GPR35: variants seen among roughly 807,000 people sequenced by gnomAD.
GPR35 encodes KYNA receptor.
For missense variants in GPR35, 372 were observed against 422.5 expected, an observed-to-expected ratio of 0.88 and a Z score of 1.05; for synonymous variants, 207 against 198.4, an observed-to-expected ratio of 1.04 and a Z score of -0.36.
intron 2 of GPR35, among the ~76,000 whole-genome samples, chr2:240,614,773 AG>A (rs1285471669): frequency 6.6e-6 from 1 of 152,184 alleles, no homozygotes; most frequent in Non-Finnish European, 1.5e-5. Context: ...CTCCACCCAG[AG>A]GCCCCTCCAA....
At chr2:240,619,131 C>T in intron 5 of GPR35, 1 of 632,414 alleles carries the variant, frequency 1.6e-6, no homozygotes, top group Non-Finnish European at 2.9e-6. Flanking sequence ...GGGGTTTGTG[C>T]CACCTTAGAG....
At chr2:240,610,549 C>T (rs990902477) in intron 2 of GPR35, among the ~76,000 whole-genome samples, 1 of 152,160 alleles carries the variant, frequency 6.6e-6, no homozygotes, top group African/African-American at 2.4e-5. Context: ...CAGCCTCAAA[C>T]TCCTAGATTC....
chr2:240,624,172 G>T (rs1196660415), upstream of GPR35, among the ~76,000 whole-genome samples: 1 of 152,174 alleles, frequency 6.6e-6, no homozygotes, highest in Non-Finnish European at 1.5e-5. Context: ...GACTGATCAG[G>T]TGCCGTGCCT....
intron 5 of GPR35, among the ~76,000 whole-genome samples, chr2:240,619,543 G>A (rs2043270934): frequency 6.6e-6 from 1 of 152,202 alleles, no homozygotes; most frequent in Non-Finnish European, 1.5e-5. Context: ...CCATTTCCTG[G>A]GCCCATCCTA....
At chr2:240,619,052 G>A (rs1251838607) in intron 5 of GPR35, 3 of 699,704 alleles carry the variant, frequency 4.3e-6, no homozygotes, top group East Asian at 2.7e-5. Context: ...TCCTAGAAGT[G>A]GGGTTATTGG....
chr2:240,625,871 G>A (rs1209671996), intron 1 of GPR35, among the ~76,000 whole-genome samples: 6 of 143,632 alleles, frequency 4.2e-5, no homozygotes, highest in African/African-American at 2.5e-5. Context: ...GTCTCAGAGT[G>A]GGGTGAGGCT....
Position 240,630,410 on chromosome 2 carries a change from T to C in GPR35, c.458T>C (p.Leu153Pro). Residue 153 changes from leucine (L) to proline (P), a missense_variant, in exon 2 of 2, where the codon CTC becomes CCC. Leu to Pro is a moderately conservative substitution (Grantham distance 98, BLOSUM62 -3). Coordinates refer to ENST00000407714, the MANE Select transcript of GPR35 (RefSeq NM_005301.5). ...ATCGGCTCCCTGGTGGCTCGCTGGCTCCTGGGGATTCAGGAGGGCGGCTTC... is the reference window on the plus strand; with the variant it reads ...ATCGGCTCCCTGGTGGCTCGCTGGCCCCTGGGGATTCAGGAGGGCGGCTTC... ...LVIGSLVARW[L>P]LGIQEGGFCF... The C allele has an allele frequency of 6.2e-7, 1 of 1,612,334 alleles. No individual in the cohort carries two copies. Among genetic ancestry groups the C allele is most frequent in the Non-Finnish European group, 8.5e-7 (1 of 1,179,912 alleles).
chr2:240,624,566 TC>T (rs1312784103), upstream of GPR35, among the ~76,000 whole-genome samples: 1 of 152,176 alleles, frequency 6.6e-6, no homozygotes, highest in African/African-American at 2.4e-5. Flanking sequence ...GCGCTTCCCT[TC>T]CCTGGGCGTC....
At chr2:240,620,123 G>A (rs989110616) in intron 5 of GPR35, among the ~76,000 whole-genome samples, 1 of 152,164 alleles carries the variant, frequency 6.6e-6, no homozygotes, top group Non-Finnish European at 1.5e-5. Context: ...GGCTGGGGCA[G>A]CACCCAAGGC....
chr2:240,618,572 A>C (rs1050014690), intron 4 of GPR35, among the ~76,000 whole-genome samples: 1 of 152,252 alleles, frequency 6.6e-6, no homozygotes, highest in Non-Finnish European at 1.5e-5. Context: ...TTCCTTTTAC[A>C]AGTTAATTTA....
chr2:240,622,645 C>T (rs779081920), upstream of GPR35, among the ~76,000 whole-genome samples: 15 of 152,252 alleles, frequency 9.9e-5, no homozygotes, highest in Non-Finnish European at 1.9e-4. Context: ...CAGAGGCTCC[C>T]CTAGATAGGG....
Position 240,629,935 on chromosome 2 carries a change from C to T in GPR35, c.-4-14C>T. ...TCACTCTCTGCTGACCTCCGGCTCC[C>T]TGTGCTGCCCCAGGACCATGAATGG... On this transcript the variant is annotated splice_polypyrimidine_tract_variant and intron_variant, in intron 1 of 1. Coordinates refer to ENST00000407714, the MANE Select transcript of GPR35 (RefSeq NM_005301.5). The T allele has an allele frequency of 6.3e-7, 1 of 1,586,270 alleles. No individual in the cohort carries two copies. The highest frequency in any genetic ancestry group is 8.6e-7 in the Non-Finnish European group (1 of 1,161,094).
rs761469937 is a variant in GPR35, at chr2:240,630,864, G to T, written c.912G>T (p.Leu304=). The change falls in exon 2 of 2, where the codon CTG becomes CTT. Residue 304 remains leucine (L), a synonymous_variant. Transcript: ENST00000407714. ...SAKAHKSQDS[L]CVTLA is the part of the protein sequence containing the mutation. ...AGGCCCACAAAAGCCAGGACTCTCT[G>T]TGCGTGACCCTCGCCTAAGAGGCGT... is the stretch of plus-strand genomic sequence containing the variant. 5 of 1,612,212 alleles carry T rather than the reference G, an allele frequency of 3.1e-6. No individual in the cohort carries two copies. Among genetic ancestry groups the T allele is most frequent in the Non-Finnish European group, 3.4e-6 (4 of 1,179,388 alleles).
Position 240,631,128 on chromosome 2 carries a change from C to T in GPR35, c.*246C>T. ...AATGTCAGAGACCCCCGGGATGGGG[C>T]CTCACACTTGCCACCCCCAGAACCA... On this transcript the variant is annotated 3_prime_UTR_variant, in exon 2 of 2. Transcript: ENST00000407714. 1.8e-6 allele frequency: 1 copy of T among 555,112 alleles called. No homozygotes were observed. Among genetic ancestry groups the T allele is most frequent in the Non-Finnish European group, 3.3e-6 (1 of 302,174 alleles). 34.4% of individuals were successfully genotyped at this position (555,112 alleles called of 1,614,324 possible).
chr2:240,616,041 C>CT (rs1383384653), intron 2 of GPR35, among the ~76,000 whole-genome samples: 2 of 152,202 alleles, frequency 1.3e-5, no homozygotes, highest in Non-Finnish European at 1.5e-5. Flanking sequence ...CCAGACGGCA[C>CT]TTTCCACCCT....
chr2:240,630,744 C>T lies in GPR35; in HGVS notation c.792C>T (p.Leu264=). The change falls in exon 2 of 2, where the codon CTC becomes CTT. Residue 264 remains leucine (L), a synonymous_variant. Coordinates refer to ENST00000407714, the MANE Select transcript of GPR35 (RefSeq NM_005301.5). ...IRRALYITSK[L]SDANCCLDAI... ...GCGCCCTGTACATAACCAGCAAGCT[C>T]TCAGATGCCAACTGCTGCCTGGACG... 6.2e-7 allele frequency: 1 copy of T among 1,613,592 alleles called. No homozygotes were observed. Among genetic ancestry groups the T allele is most frequent in the Non-Finnish European group, 8.5e-7 (1 of 1,180,042 alleles).
At chr2:240,616,655 C>T (rs894934573) in intron 3 of GPR35, 1 of 668,744 alleles carries the variant, frequency 1.5e-6, no homozygotes, top group African/African-American at 1.8e-5. Flanking sequence ...CAAGAGACCC[C>T]CCAGTGGGTG....
At chr2:240,605,865 G>C (rs1450746820) in intron 1 of GPR35, among the ~76,000 whole-genome samples, 2 of 152,178 alleles carry the variant, frequency 1.3e-5, no homozygotes, top group Non-Finnish European at 2.9e-5. Context: ...GGGATAATTT[G>C]GGGCCTTTTG....
chr2:240,623,460 GGT>G (rs1185493142), upstream of GPR35, among the ~76,000 whole-genome samples: 61 of 87,340 alleles, frequency 7.0e-4, 5 homozygotes, highest in African/African-American at 1.9e-3. Flanking sequence ...AGGTCGTGAG[GGT>G]GCAAACAGGT....
Sources: allele counts gnomAD v4.1 joint callset (sites outside exome capture counted in the v4.1 genomes callset), GRCh38; gene constraint gnomAD v4.1.1; transcripts MANE v1.5; gene names NCBI Gene and HGNC (gene_info 2026-07-23, HGNC 2026-07-21).